Variants in SUGCT observed in about 807,000 individuals in gnomAD.
SUGCT encodes succinyl-CoA:glutarate-CoA transferase, also known as succinyl-CoA:glutarate CoA-transferase.
In SUGCT, 41 loss-of-function variants were observed where a neutral mutation model predicts 55.0. The ratio of observed to expected loss-of-function variants is 0.74; its 90% CI spans 0.58 to 0.97. The LOEUF (loss-of-function observed/expected upper bound fraction) is 0.97, where lower values mean the gene tolerates loss of function less well. Among genes scored for constraint, SUGCT ranks in the 50% least tolerant of loss-of-function variants. The probability of loss-of-function intolerance (pLI) is 0.00; values close to 1 mark genes in which losing one functional copy is unlikely to be tolerated. For synonymous variants in SUGCT, 187 were observed against 200.4 expected, an observed-to-expected ratio of 0.93 and a Z score of 0.56; for missense variants, 568 against 547.8, an observed-to-expected ratio of 1.04 and a Z score of -0.37.
rs1562728404 is a variant in SUGCT, at chr7:40,377,179, TTTCTTTCTTTCTTTC to T, written c.816+60327_816+60341del. ...CTTTCTTTCTTTCTTTCTTTCTTTC[TTTCTTTCTTTCTTTC>T]TTTCTTTTCTTTTCTTTTCTTTCTT... On this transcript the variant is annotated intron_variant, in intron 9 of 13. Coordinates refer to ENST00000335693, the MANE Select transcript of SUGCT (RefSeq NM_001193313.2). Among the ~76,000 whole-genome samples, 5 of 17,038 alleles carry T rather than the reference TTTCTTTCTTTCTTTC, an allele frequency of 2.9e-4. 1 individual carries two copies. The East Asian group carries it at 4.3e-3, about 15-fold the overall frequency. 11.2% of individuals were successfully genotyped at this position (17,038 alleles called of 152,430 possible).
At chr7:40,617,114 A>AAG (rs142613370) in intron 12 of SUGCT, among the ~76,000 whole-genome samples, 3,827 of 152,246 alleles carry the variant, frequency 0.025, 155 homozygotes, top group African/African-American at 0.089. Context: ...AAAAAATCCA[A>AAG]AGACATTTGC....
At chr7:40,937,270 G>A in the SUGCT span, among the ~76,000 whole-genome samples, 3,995 of 152,202 alleles carry the variant, frequency 0.026, 69 homozygotes, top group Non-Finnish European at 0.043. Flanking sequence ...CCAGGTTCAA[G>A]CGATTCTCCT....
At chr7:40,468,111 C>T (rs2151464576) in intron 11 of SUGCT, among the ~76,000 whole-genome samples, 1 of 152,006 alleles carries the variant, frequency 6.6e-6, no homozygotes, top group South Asian at 2.1e-4. Context: ...TGTGTCTGTA[C>T]TTTCATAAAG....
chr7:40,285,673 C>T (rs1326572618), intron 8 of SUGCT, among the ~76,000 whole-genome samples: 2 of 152,092 alleles, frequency 1.3e-5, no homozygotes, highest in Non-Finnish European at 2.9e-5. Flanking sequence ...AAGAAACCAC[C>T]TGCATCAAGC....
intron 12 of SUGCT, among the ~76,000 whole-genome samples, chr7:40,739,621 C>A (rs1291250259): frequency 1.3e-5 from 2 of 151,914 alleles, no homozygotes; most frequent in African/African-American, 4.8e-5. Context: ...TTTTTCCCCC[C>A]AGCTCCAGTA....
chr7:40,768,087 C>T (rs749351840), intron 13 of SUGCT, among the ~76,000 whole-genome samples: 4 of 152,122 alleles, frequency 2.6e-5, no homozygotes, highest in Non-Finnish European at 5.9e-5. Context: ...CTCAGGGTCC[C>T]AGGCTCTGTA....
At chr7:40,690,022 C>A (rs550718441) in intron 12 of SUGCT, among the ~76,000 whole-genome samples, 1 of 152,278 alleles carries the variant, frequency 6.6e-6, no homozygotes, top group South Asian at 2.1e-4. Flanking sequence ...AGAATCCATG[C>A]ATATGGTCAC....
At chr7:40,631,789 G>A (rs1799800542) in intron 12 of SUGCT, among the ~76,000 whole-genome samples, 1 of 152,132 alleles carries the variant, frequency 6.6e-6, no homozygotes, top group Admixed American at 6.5e-5. Flanking sequence ...TTTCTCATAG[G>A]ACATAGCTAG....
chr7:40,500,867 A>G (rs1319412185), intron 12 of SUGCT, among the ~76,000 whole-genome samples: 2 of 151,370 alleles, frequency 1.3e-5, no homozygotes, highest in Admixed American at 1.3e-4. Flanking sequence ...ACACACACAC[A>G]GACACGCACA....
At chr7:40,567,061 A>G (rs1234433176) in intron 12 of SUGCT, among the ~76,000 whole-genome samples, 1 of 152,254 alleles carries the variant, frequency 6.6e-6, no homozygotes, top group African/African-American at 2.4e-5. Flanking sequence ...CAATTCAAAT[A>G]ATCTCCTTGC....
intron 12 of SUGCT, among the ~76,000 whole-genome samples, chr7:40,689,728 G>A (rs1271104545): frequency 6.6e-6 from 1 of 150,870 alleles, no homozygotes; most frequent in African/African-American, 2.4e-5. Context: ...AGCCAAACTG[G>A]CTGGACAGTT....
At chr7:40,705,055 A>G (rs1292105620) in intron 12 of SUGCT, among the ~76,000 whole-genome samples, 1 of 152,156 alleles carries the variant, frequency 6.6e-6, no homozygotes, top group Non-Finnish European at 1.5e-5. Flanking sequence ...GAAATTTTCA[A>G]TTTTTATAGT....
At chr7:40,784,923 GGTAA>G (rs766730560) in intron 13 of SUGCT, among the ~76,000 whole-genome samples, 1 of 152,008 alleles carries the variant, frequency 6.6e-6, no homozygotes, top group African/African-American at 2.4e-5. Flanking sequence ...ATAAATGCAA[GGTAA>G]TATTGCATGT....
intron 9 of SUGCT, among the ~76,000 whole-genome samples, chr7:40,413,545 G>A (rs569478881): frequency 9.2e-5 from 14 of 152,248 alleles, no homozygotes; most frequent in African/African-American, 3.4e-4. Context: ...CATTTTAAAT[G>A]CAATACAAGG....
chr7:40,769,098 TA>T (rs113250879), intron 13 of SUGCT, among the ~76,000 whole-genome samples: 1 of 150,630 alleles, frequency 6.6e-6, no homozygotes, highest in Non-Finnish European at 1.5e-5. Flanking sequence ...TGGGGAGCAG[TA>T]AAAAAAAACA....
chr7:40,879,838 G>A, the SUGCT span, among the ~76,000 whole-genome samples: 12 of 152,172 alleles, frequency 7.9e-5, no homozygotes, highest in African/African-American at 2.9e-4. Flanking sequence ...TTTGTGGCAG[G>A]ACGTTCTTGT....
chr7:40,875,357 T>C, the SUGCT span, among the ~76,000 whole-genome samples: 7 of 152,212 alleles, frequency 4.6e-5, no homozygotes, highest in Non-Finnish European at 1.0e-4. Flanking sequence ...GTTAGTGTAG[T>C]TCCATATTGT....
chr7:40,911,027 C>G, the SUGCT span, among the ~76,000 whole-genome samples: 2 of 152,052 alleles, frequency 1.3e-5, no homozygotes, highest in Non-Finnish European at 2.9e-5. Context: ...TAAATCTGGG[C>G]TTTATTAATT....
intron 13 of SUGCT, among the ~76,000 whole-genome samples, chr7:40,825,144 C>T (rs1484179301): frequency 6.6e-6 from 1 of 152,190 alleles, no homozygotes; most frequent in African/African-American, 2.4e-5. Flanking sequence ...AAGTAGTATA[C>T]ACAACCTTCA....
Sources: allele counts gnomAD v4.1 joint callset (sites outside exome capture counted in the v4.1 genomes callset), GRCh38; gene constraint gnomAD v4.1.1; transcripts MANE v1.5; gene names NCBI Gene and HGNC (gene_info 2026-07-23, HGNC 2026-07-21).